Variants in TTLL5 observed in about 807,000 individuals in gnomAD.
TTLL5 encodes tubulin tyrosine ligase like 5, also known as tubulin polyglutamylase TTLL5.
A neutral mutation model predicts 168.4 loss-of-function variants in TTLL5; 132 were observed. The observed-to-expected ratio is 0.78, with a 90% CI of 0.68 to 0.91. The LOEUF is 0.91. TTLL5 is among the 40% of genes least tolerant of loss of function. The pLI, the probability that TTLL5 is intolerant of heterozygous loss-of-function variation, is 0.00. For missense variants in TTLL5, 1,545 were observed against 1,581.5 expected, an observed-to-expected ratio of 0.98 and a Z score of 0.39; for synonymous variants, 546 against 558.6, an observed-to-expected ratio of 0.98 and a Z score of 0.32.
At chr14:75,694,633 C>T (rs2140144756) in intron 6 of TTLL5, among the ~76,000 whole-genome samples, 1 of 152,326 alleles carries the variant, frequency 6.6e-6, no homozygotes, top group South Asian at 2.1e-4. Context: ...TGCGCCCAGC[C>T]AGATGTTGTG....
intron 23 of TTLL5, among the ~76,000 whole-genome samples, chr14:75,778,750 C>T (rs1422901791): frequency 6.6e-6 from 1 of 152,112 alleles, no homozygotes; most frequent in African/African-American, 2.4e-5. Context: ...ATGTTAAAGT[C>T]CATGTGTGAT....
chr14:75,709,394 T>C (rs914442343), intron 9 of TTLL5: 1 of 557,926 alleles, frequency 1.8e-6, no homozygotes, highest in Non-Finnish European at 3.2e-6. Context: ...TGTGTTCCGT[T>C]CGCCTCTAGG....
At chr14:75,805,786 C>T (rs140414747) in intron 27 of TTLL5, among the ~76,000 whole-genome samples, 83 of 148,708 alleles carry the variant, frequency 5.6e-4, no homozygotes, top group African/African-American at 2.0e-3. Flanking sequence ...TTCTAGAATC[C>T]CAGGGAATTT....
intron 27 of TTLL5, among the ~76,000 whole-genome samples, chr14:75,793,605 G>C (rs140497460): frequency 3.3e-5 from 5 of 152,076 alleles, no homozygotes; most frequent in Non-Finnish European, 7.4e-5. Flanking sequence ...TTACAGATGG[G>C]GGAACCTGAG....
intron 10 of TTLL5, among the ~76,000 whole-genome samples, chr14:75,719,469 A>G (rs1426632347): frequency 4.6e-5 from 7 of 152,154 alleles, no homozygotes; most frequent in South Asian, 2.1e-4. Flanking sequence ...TTCTTGATGC[A>G]TAATTGTTTG....
intron 28 of TTLL5, 128 bp from the exon 29 acceptor site, chr14:75,863,538 CA>C: frequency 1.1e-6 from 1 of 889,258 alleles, no homozygotes; most frequent in South Asian, 2.0e-5. Flanking sequence ...TAATATCACA[CA>C]AGTAGATTTG....
At chr14:75,881,017 GA>G (rs151168389) in intron 29 of TTLL5, among the ~76,000 whole-genome samples, 2,356 of 152,236 alleles carry the variant, frequency 0.015, 80 homozygotes, top group African/African-American at 0.053. Context: ...TGGCTCAAAG[GA>G]TTCTCCCACC....
intron 18 of TTLL5, among the ~76,000 whole-genome samples, chr14:75,756,889 A>G (rs769432979): frequency 5.3e-5 from 8 of 152,206 alleles, no homozygotes; most frequent in Non-Finnish European, 1.0e-4. Context: ...TAACATGAAT[A>G]GCACTCAATT....
At chr14:75,816,395 A>AGT (rs1340261749) in intron 27 of TTLL5, among the ~76,000 whole-genome samples, 1 of 152,144 alleles carries the variant, frequency 6.6e-6, no homozygotes. Flanking sequence ...ACTCCAACAG[A>AGT]GTGAGACTCT....
chr14:75,789,407 T>C (rs1892563923), intron 26 of TTLL5, among the ~76,000 whole-genome samples: 2 of 152,198 alleles, frequency 1.3e-5, no homozygotes, highest in South Asian at 4.1e-4. Context: ...AGATACATTT[T>C]AGAAATAGTT....
At chr14:75,854,178 C>T (rs747301297) in intron 28 of TTLL5, among the ~76,000 whole-genome samples, 1 of 152,300 alleles carries the variant, frequency 6.6e-6, no homozygotes, top group African/African-American at 2.4e-5. Context: ...AATTCCCTTG[C>T]GTCTTTTTCC....
intron 28 of TTLL5, 133 bp from the exon 29 acceptor site, chr14:75,863,534 C>A: frequency 2.3e-6 from 2 of 863,472 alleles, no homozygotes; most frequent in Non-Finnish European, 3.5e-6. Context: ...GAGATAATAT[C>A]ACACAAGTAG....
At position 75,916,940 on chromosome 14, in the gene TTLL5, A is replaced by G. The variant is rs10133514; in HGVS notation, c.3823+14716A>G. ...TGAAATGAGCCAATCACAAAAAGAC[A>G]AGTACTATATGATTCCACTTATACA... On this transcript the variant is annotated intron_variant, in intron 31 of 31. Transcript: ENST00000298832. 5.3e-3 allele frequency among the ~76,000 whole-genome samples: 811 copies of G among 152,322 alleles called. 4 individuals carry two copies. The highest frequency in any genetic ancestry group is 0.019 in the African/African-American group (787 of 41,570).
chr14:75,776,264 C>T, intron 22 of TTLL5, among the ~76,000 whole-genome samples: 1 of 152,282 alleles, frequency 6.6e-6, no homozygotes, highest in South Asian at 2.1e-4. Flanking sequence ...GTGCACCAAA[C>T]TCATAGCCAC....
chr14:75,774,504 C>G (rs912378917), intron 21 of TTLL5, among the ~76,000 whole-genome samples: 5 of 151,968 alleles, frequency 3.3e-5, no homozygotes, highest in African/African-American at 1.2e-4. Flanking sequence ...TTTTCATTAC[C>G]CATGCATTTT....
chr14:75,755,079 A>G (rs1238849741), intron 18 of TTLL5, among the ~76,000 whole-genome samples: 2 of 152,124 alleles, frequency 1.3e-5, no homozygotes, highest in Non-Finnish European at 2.9e-5. Context: ...AGCCTGACCC[A>G]CATGGAGAAA....
chr14:75,811,051 C>T (rs572785646), intron 27 of TTLL5, among the ~76,000 whole-genome samples: 1 of 136,806 alleles, frequency 7.3e-6, no homozygotes, highest in African/African-American at 2.7e-5. Flanking sequence ...CTTGCAGAGA[C>T]ATTAACCACT....
At chr14:75,723,134 A>T (rs867642143) in intron 12 of TTLL5, among the ~76,000 whole-genome samples, 3 of 151,982 alleles carry the variant, frequency 2.0e-5, no homozygotes, top group Non-Finnish European at 2.9e-5. Flanking sequence ...ACTTTTTTTT[A>T]AATTGAGACA....
chr14:75,923,769 A>G (rs1289753870), intron 31 of TTLL5, among the ~76,000 whole-genome samples: 1 of 152,060 alleles, frequency 6.6e-6, no homozygotes, highest in Non-Finnish European at 1.5e-5. Context: ...TGTCCTTGTT[A>G]ATTTTCTGTC....
Sources: gnomAD v4.1 joint callset for allele counts (sites outside exome capture counted in the v4.1 genomes callset) on GRCh38, gnomAD v4.1.1 for gene constraint, MANE v1.5 for transcripts, NCBI Gene and HGNC (gene_info 2026-07-23, HGNC 2026-07-21) for gene names.